CDKL2: variants seen among roughly 807,000 people sequenced by gnomAD.
The protein encoded by CDKL2 is cyclin dependent kinase like 2.
In CDKL2, 64 loss-of-function variants were observed where a neutral mutation model predicts 63.9. The ratio of observed to expected loss-of-function variants is 1.00; its 90% CI spans 0.82 to 1.23. CDKL2 has a LOEUF of 1.23. Ranked by LOEUF, CDKL2 falls within the 50% of genes most tolerant of loss-of-function variation. The pLI, the probability that CDKL2 is intolerant of heterozygous loss-of-function variation, is 0.00. For synonymous variants in CDKL2, 211 were observed against 229.2 expected (o/e 0.92, Z 0.72); for missense variants, 656 against 668.0 (o/e 0.98, Z 0.20).
rs1728092586 is a variant in CDKL2, at chr4:75,577,969, A to T, written c.*1233T>A. On this transcript the variant is annotated 3_prime_UTR_variant, in exon 14 of 14. Transcript: ENST00000307465. Reference sequence around the variant, plus strand: ...TTCTAGTCAATGGCTTTGGAAAAAAAGCAACACACTATTAATTAGTTAAGG... The same window carrying T: ...TTCTAGTCAATGGCTTTGGAAAAAATGCAACACACTATTAATTAGTTAAGG... 6.7e-6 allele frequency: 1 copy of T among 150,226 alleles called. No individual in the cohort carries two copies. The highest frequency in any genetic ancestry group is 6.8e-5 in the Admixed American group (1 of 14,708). The allele number at this position is 150,226 out of a possible 1,614,324, so 9.3% of individuals were successfully genotyped here.
intron 13 of CDKL2, among the ~76,000 whole-genome samples, chr4:75,580,194 G>C (rs1159281736): frequency 2.0e-5 from 3 of 152,054 alleles, no homozygotes; most frequent in South Asian, 2.1e-4. Flanking sequence ...ATCACTTGGA[G>C]GTTGCAGTAA....
At chr4:75,608,493 G>C (rs969382433) in intron 3 of CDKL2, among the ~76,000 whole-genome samples, 1 of 152,062 alleles carries the variant, frequency 6.6e-6, no homozygotes, top group Non-Finnish European at 1.5e-5. Flanking sequence ...GACATACTAG[G>C]AAGTGTGGCA....
Position 75,603,797 on chromosome 4 carries a change from T to C in CDKL2, c.795+20A>G, listed in dbSNP as rs1428940828. 3 of 1,555,020 alleles carry C rather than the reference T, an allele frequency of 1.9e-6. No homozygotes were observed. The highest frequency in any genetic ancestry group is 2.6e-6 in the Non-Finnish European group (3 of 1,154,498). On this transcript the variant is annotated intron_variant, in intron 6 of 13. Transcript: ENST00000307465. ...TGCATAAATTCCCTGTCATAAAGTGTAAACAATAAGTATGATTACCTTTGC... is the reference window on the plus strand; with the variant it reads ...TGCATAAATTCCCTGTCATAAAGTGCAAACAATAAGTATGATTACCTTTGC...
chr4:75,616,092 G>A (rs1166078286), intron 2 of CDKL2, among the ~76,000 whole-genome samples: 1 of 152,016 alleles, frequency 6.6e-6, no homozygotes, highest in Non-Finnish European at 1.5e-5. Context: ...AATAGAAATA[G>A]AATAATTAAT....
At chr4:75,608,593 A>G (rs1353036060) in intron 3 of CDKL2, among the ~76,000 whole-genome samples, 1 of 152,234 alleles carries the variant, frequency 6.6e-6, no homozygotes, top group East Asian at 1.9e-4. Context: ...GAAAGACGAG[A>G]GGCAGGAAGA....
intron 2 of CDKL2, among the ~76,000 whole-genome samples, chr4:75,620,585 G>A (rs1415268959): frequency 6.6e-6 from 1 of 152,110 alleles, no homozygotes; most frequent in Non-Finnish European, 1.5e-5. Context: ...TTGGAGGAAC[G>A]AAAAAGATAA....
chr4:75,618,943 G>C, intron 2 of CDKL2, among the ~76,000 whole-genome samples: 1 of 152,308 alleles, frequency 6.6e-6, no homozygotes, highest in East Asian at 1.9e-4. Flanking sequence ...TCACATACTG[G>C]ACTGGGAGCA....
intron 12 of CDKL2, among the ~76,000 whole-genome samples, chr4:75,586,709 C>T (rs535644651): frequency 2.3e-4 from 35 of 152,214 alleles, no homozygotes; most frequent in African/African-American, 7.9e-4. Flanking sequence ...GGATAGCAAA[C>T]TACACCAAAC....
chr4:75,606,752 A>G (rs1037892561), intron 4 of CDKL2, among the ~76,000 whole-genome samples: 2 of 152,254 alleles, frequency 1.3e-5, no homozygotes, highest in Admixed American at 1.3e-4. Context: ...AAAGATTTCA[A>G]TCAAAAGCAG....
rs116239451 is a variant in CDKL2 at position 75,596,223 on chromosome 4, T to C, written c.1416+24A>G. On this transcript the variant is annotated intron_variant, in intron 10 of 13. Coordinates refer to ENST00000307465, the MANE Select transcript of CDKL2 (RefSeq NM_001330724.2). ...TAGAGCTGACTGGTGTTTGCTCTTC[T>C]ACTACTGAGAACTGCTTACTTACTA... The C allele has an allele frequency of 2.7e-4, 362 of 1,337,640 alleles. 1 individual carries two copies. The African/African-American group carries it at 4.8e-3, about 18-fold the overall frequency. 82.9% of individuals were successfully genotyped at this position (1,337,640 alleles called of 1,614,324 possible). A position where few individuals can be genotyped will look rare whatever the true frequency, so the allele number is the denominator to read the frequency against.
intron 3 of CDKL2, among the ~76,000 whole-genome samples, chr4:75,609,912 G>A (rs1729608793): frequency 6.6e-6 from 1 of 151,196 alleles, no homozygotes; most frequent in Non-Finnish European, 1.5e-5. Flanking sequence ...AGTAGAAAGA[G>A]CTAAACTGGG....
chr4:75,592,030 G>T (rs1560575590), intron 11 of CDKL2, 105 bp from the exon 12 acceptor site: 21 of 1,258,546 alleles, frequency 1.7e-5, no homozygotes, highest in Non-Finnish European at 2.2e-5. Context: ...ATTATAACAG[G>T]TATTTACATA....
At chr4:75,606,912 C>G (rs1729445156) in intron 4 of CDKL2, among the ~76,000 whole-genome samples, 1 of 152,174 alleles carries the variant, frequency 6.6e-6, no homozygotes, top group Non-Finnish European at 1.5e-5. Context: ...AATCAATGTT[C>G]ACCTCTCTTT....
intron 13 of CDKL2, 31 bp downstream of exon 13, chr4:75,581,779 C>T: frequency 3.1e-6 from 4 of 1,277,508 alleles, no homozygotes; most frequent in Non-Finnish European, 4.5e-6. Context: ...TGAAAGGCTG[C>T]ACAGCTTTAA....
intron 12 of CDKL2, among the ~76,000 whole-genome samples, chr4:75,589,603 C>T (rs780069002): frequency 3.2e-4 from 48 of 151,936 alleles, no homozygotes; most frequent in Non-Finnish European, 6.3e-4. Flanking sequence ...CGCGCCCGGC[C>T]GATAGTTTCT....
rs1728107964 is a variant in CDKL2 at position 75,578,134 on chromosome 4, G to C, written c.*1068C>G. On this transcript the variant is annotated 3_prime_UTR_variant, in exon 14 of 14. Coordinates refer to ENST00000307465, the MANE Select transcript of CDKL2 (RefSeq NM_001330724.2). The stretch of plus-strand genomic sequence containing the variant: ...TTATTCCTCCCACCTAAAAAGTTTT[G>C]GATCCATGCATTGGAAAAGATGTGT... 6.6e-6 allele frequency: 1 copy of C among 152,068 alleles called. No homozygotes were observed. Among genetic ancestry groups the C allele is most frequent in the African/African-American group, 2.4e-5 (1 of 41,400 alleles). 9.4% of individuals were successfully genotyped at this position (152,068 alleles called of 1,614,324 possible).
At position 75,578,026 on chromosome 4, in the gene CDKL2, T is replaced by C. The variant is rs953675381; in HGVS notation, c.*1176A>G. The C allele has an allele frequency of 6.7e-6, 1 of 148,574 alleles. No homozygotes were observed. The highest frequency in any genetic ancestry group is 2.5e-5 in the African/African-American group (1 of 40,548). The allele number at this position is 148,574 out of a possible 1,614,324, so 9.2% of individuals were successfully genotyped here. A position where few individuals can be genotyped will look rare whatever the true frequency, so the allele number is the denominator to read the frequency against. On this transcript the variant is annotated 3_prime_UTR_variant, in exon 14 of 14. Transcript: ENST00000307465. Reference sequence around the variant, plus strand: ...AAAAAAAAAAACTCACAAATTCTGGTTCCCTAAACAACCATTCTCTAAAAT... The same window carrying C: ...AAAAAAAAAAACTCACAAATTCTGGCTCCCTAAACAACCATTCTCTAAAAT...
At chr4:75,618,229 A>G (rs1459052645) in intron 2 of CDKL2, among the ~76,000 whole-genome samples, 19 of 137,992 alleles carry the variant, frequency 1.4e-4, no homozygotes, top group African/African-American at 2.4e-4. Context: ...CAGGCCTCCA[A>G]TTGAAAATTC....
chr4:75,595,570 T>A (rs895628936), intron 10 of CDKL2, among the ~76,000 whole-genome samples: 1 of 152,108 alleles, frequency 6.6e-6, no homozygotes, highest in Non-Finnish European at 1.5e-5. Context: ...ATTTATCTTT[T>A]CATCTACTCT....
Sources: allele counts gnomAD v4.1 joint callset (sites outside exome capture counted in the v4.1 genomes callset), GRCh38; gene constraint gnomAD v4.1.1; transcripts MANE v1.5; gene names NCBI Gene and HGNC (gene_info 2026-07-23, HGNC 2026-07-21).